Variants in UFSP2 observed in about 807,000 individuals in gnomAD.
UFSP2 encodes the protein ufm1-specific protease 2.
Under a neutral mutation model 60.2 loss-of-function variants are expected in UFSP2, and 43 were observed. That is an observed-to-expected ratio of 0.71 (90% CI 0.56 to 0.92). UFSP2 has a LOEUF of 0.92. Ranked by LOEUF, UFSP2 falls within the 40% of genes least tolerant of loss-of-function variation. The pLI is 0.00. For missense variants in UFSP2, 520 were observed against 575.0 expected, an observed-to-expected ratio of 0.90 and a Z score of 0.98; for synonymous variants, 183 against 195.1, an observed-to-expected ratio of 0.94 and a Z score of 0.52.
At chr4:185,403,756 C>T (rs1234253948) in intron 10 of UFSP2, 138 bp from the exon 11 acceptor site, 11 of 1,058,002 alleles carry the variant, frequency 1.0e-5, no homozygotes, top group South Asian at 3.4e-5. Context: ...GGGTGGATCA[C>T]GAGGTCAGGA....
rs558733438 is a variant in UFSP2, at chr4:185,414,092, G to A, written c.685-220C>T. ...GTCTGTATCTGGGTAGAAACTGGAA[G>A]GGAACAGAGAAAAATGAATATAAAT... On this transcript the variant is annotated intron_variant, in intron 6 of 11. Coordinates refer to ENST00000264689, the MANE Select transcript of UFSP2 (RefSeq NM_018359.5). 2.0e-4 allele frequency among the ~76,000 whole-genome samples: 31 copies of A among 152,184 alleles called. 1 individual carries two copies. The South Asian group carries it at 6.4e-3, about 32-fold the overall frequency.
rs891713752 is a variant in UFSP2 at position 185,399,894 on chromosome 4, C to T, written c.*498G>A. The T allele has an allele frequency of 3.3e-6, 5 of 1,537,432 alleles. No homozygotes were observed. The African/African-American group carries it at 6.9e-5, about 21-fold the overall frequency. On this transcript the variant is annotated 3_prime_UTR_variant, in exon 12 of 12. Coordinates refer to ENST00000264689, the MANE Select transcript of UFSP2 (RefSeq NM_018359.5). The stretch of plus-strand genomic sequence containing the variant: ...AGTAGTATTGTTTCATTCTCATTAA[C>T]ATTTTAGTACTGGTTATACTTACCA...
Position 185,425,941 on chromosome 4 carries a change from C to CGG in UFSP2, c.-74_-73insCC. The CGG allele has an allele frequency of 1.3e-6, 2 of 1,538,710 alleles. No homozygotes were observed. Among genetic ancestry groups the CGG allele is most frequent in the Non-Finnish European group, 1.8e-6 (2 of 1,134,124 alleles). On this transcript the variant is annotated 5_prime_UTR_variant, in exon 1 of 12. Coordinates refer to ENST00000264689, the MANE Select transcript of UFSP2 (RefSeq NM_018359.5). ...CCGGGGGCCGGCCCTGAAGTGGTGTCACCGCACGGCCCAGGGGCGGGGCCC... is the reference window on the plus strand; with the variant it reads ...CCGGGGGCCGGCCCTGAAGTGGTGTCGGACCGCACGGCCCAGGGGCGGGGCCC...
Position 185,399,560 on chromosome 4 carries a change from C to T in UFSP2, c.*832G>A. On this transcript the variant is annotated 3_prime_UTR_variant, in exon 12 of 12. Coordinates refer to ENST00000264689, the MANE Select transcript of UFSP2 (RefSeq NM_018359.5). ...TGTTTCATTTCACTCCGTTTTTATC[C>T]TGTTTTCAGTTTATGTAATAAGAAC... The T allele has an allele frequency of 6.2e-7, 1 of 1,613,670 alleles. No homozygotes were observed. The highest frequency in any genetic ancestry group is 8.5e-7 in the Non-Finnish European group (1 of 1,179,740).
At chr4:185,412,801 G>A (rs2095531700) in intron 7 of UFSP2, among the ~76,000 whole-genome samples, 1 of 152,092 alleles carries the variant, frequency 6.6e-6, no homozygotes, top group Non-Finnish European at 1.5e-5. Context: ...GCTAGTCACA[G>A]GGCTGCTGTT....
chr4:185,423,652 G>A (rs2095553477), intron 1 of UFSP2, among the ~76,000 whole-genome samples: 1 of 152,146 alleles, frequency 6.6e-6, no homozygotes, highest in African/African-American at 2.4e-5. Context: ...AACTTATAAA[G>A]GGAAAAGAGC....
At chr4:185,410,853 G>C (rs192391919) in intron 7 of UFSP2, among the ~76,000 whole-genome samples, 113 of 150,684 alleles carry the variant, frequency 7.5e-4, no homozygotes, top group African/African-American at 2.5e-3. Context: ...GGCTGAGGGA[G>C]GATAATCGCT....
At position 185,399,697 on chromosome 4, in the gene UFSP2, A is replaced by G. The variant is rs368158912; in HGVS notation, c.*695T>C. 9 of 1,614,022 alleles carry G rather than the reference A, an allele frequency of 5.6e-6. No individual in the cohort carries two copies. The African/African-American group carries it at 9.3e-5, about 17-fold the overall frequency. On this transcript the variant is annotated 3_prime_UTR_variant, in exon 12 of 12. Coordinates refer to ENST00000264689, the MANE Select transcript of UFSP2 (RefSeq NM_018359.5). ...AAAAGCAAGTGAACACCCTGACAGG[A>G]ATGATTGTGTTGCCGTGCTCAGACA...
At chr4:185,413,108 C>T (rs2095532372) in intron 7 of UFSP2, among the ~76,000 whole-genome samples, 1 of 152,146 alleles carries the variant, frequency 6.6e-6, no homozygotes, top group South Asian at 2.1e-4. Flanking sequence ...AGTTCACGAC[C>T]AGCCTGGCCA....
chr4:185,417,529 C>G (rs1026639769), intron 4 of UFSP2, among the ~76,000 whole-genome samples: 8 of 152,180 alleles, frequency 5.3e-5, no homozygotes, highest in Admixed American at 6.5e-5. Flanking sequence ...TCCCTCTTCT[C>G]TATTTCCATA....
At chr4:185,407,857 C>G in intron 9 of UFSP2, 79 bp downstream of exon 9, 1 of 1,430,566 alleles carries the variant, frequency 7.0e-7, no homozygotes, top group Non-Finnish European at 9.4e-7. Flanking sequence ...AGGGAAGATA[C>G]CATTTTTTCT....
rs746253806 is a variant in UFSP2, at chr4:185,413,779, A to T, written c.778T>A (p.Tyr260Asn). 1.2e-6 allele frequency: 2 copies of T among 1,613,592 alleles called. No individual in the cohort carries two copies. The highest frequency in any genetic ancestry group is 1.7e-6 in the Non-Finnish European group (2 of 1,179,708). Residue 260 changes from tyrosine to asparagine, a missense_variant, in exon 7 of 12, where the codon TAC becomes AAC. Physicochemically the swap from Tyr to Asn is moderately radical, Grantham distance 143. Coordinates refer to ENST00000264689, the MANE Select transcript of UFSP2 (RefSeq NM_018359.5). ...AGGTAAGTATGTGGATTTCTAATGT[A>T]ACCATCTTTGTATGGCTCATCTGGA... ...HFPDEPYKDG[Y>N]IRNPHTYLNP...
In UFSP2 at chr4:185,399,973, T is replaced by C; in HGVS notation, c.*419A>G. 6.3e-7 allele frequency: 1 copy of C among 1,593,438 alleles called. No homozygotes were observed. Among genetic ancestry groups the C allele is most frequent in the South Asian group, 1.2e-5 (1 of 86,916 alleles). Reference sequence around the variant, plus strand: ...TGGTGGAAGTTTGGGGATAAAACTCTTTTTAAAAAAAAGTTTTTAATGTTA... The same window carrying C: ...TGGTGGAAGTTTGGGGATAAAACTCCTTTTAAAAAAAAGTTTTTAATGTTA... On this transcript the variant is annotated 3_prime_UTR_variant, in exon 12 of 12. Transcript: ENST00000264689.
Position 185,413,907 on chromosome 4 carries a change from A to G in UFSP2, c.685-35T>C, listed in dbSNP as rs1483302368. On this transcript the variant is annotated intron_variant, in intron 6 of 11. Coordinates refer to ENST00000264689, the MANE Select transcript of UFSP2 (RefSeq NM_018359.5). ...ATCAGAATCAACAGAAAAAGAAAAA[A>G]TGTTGGTGATTTAGATTCCTAGTCA... 5.2e-6 allele frequency: 8 copies of G among 1,551,678 alleles called. No individual in the cohort carries two copies. The Admixed American group carries it at 1.2e-4, about 24-fold the overall frequency.
At chr4:185,417,637 G>A (rs1038048404) in intron 4 of UFSP2, among the ~76,000 whole-genome samples, 4 of 152,168 alleles carry the variant, frequency 2.6e-5, no homozygotes, top group African/African-American at 7.2e-5. Flanking sequence ...AAACACTGTC[G>A]TCACATTAAC....
chr4:185,415,936 G>C, intron 4 of UFSP2, 69 bp from the exon 5 acceptor site: 1 of 1,306,552 alleles, frequency 7.7e-7, no homozygotes. Flanking sequence ...TAAGTAAAAA[G>C]ACTTTTCAAA....
Position 185,399,735 on chromosome 4 carries a change from CG to C in UFSP2, c.*656del. 2 of 1,614,030 alleles carry C rather than the reference CG, an allele frequency of 1.2e-6. No homozygotes were observed. Among genetic ancestry groups the C allele is most frequent in the Non-Finnish European group, 1.7e-6 (2 of 1,180,000 alleles). On this transcript the variant is annotated 3_prime_UTR_variant, in exon 12 of 12. Coordinates refer to ENST00000264689, the MANE Select transcript of UFSP2 (RefSeq NM_018359.5). ...CCGTGCTCAGACAGAAACGGAGTCT[CG>C]GAAGTGTAGAAAATACCAGTGGGAA...
Position 185,413,890 on chromosome 4 carries a change from C to A in UFSP2, c.685-18G>T, listed in dbSNP as rs1206235545. ...TGTAACTCCTAAAATAAATCAGAAT[C>A]AACAGAAAAAGAAAAAATGTTGGTG... On this transcript the variant is annotated intron_variant, in intron 6 of 11. Transcript: ENST00000264689. The A allele has an allele frequency of 6.4e-7, 1 of 1,565,450 alleles. No individual in the cohort carries two copies. The highest frequency in any genetic ancestry group is 2.0e-5 in the Admixed American group (1 of 48,954).
chr4:185,400,271 T>G lies in UFSP2; in HGVS notation c.*121A>C. On this transcript the variant is annotated 3_prime_UTR_variant, in exon 12 of 12. Coordinates refer to ENST00000264689, the MANE Select transcript of UFSP2 (RefSeq NM_018359.5). ...TTCTCCGTGCAGTATTTACAACCTTTGAAAAAGGTCATAATTTAAATCGTC... is the reference window on the plus strand; with the variant it reads ...TTCTCCGTGCAGTATTTACAACCTTGGAAAAAGGTCATAATTTAAATCGTC... 1 of 874,332 alleles carries G rather than the reference T, an allele frequency of 1.1e-6. No individual in the cohort carries two copies. Among genetic ancestry groups the G allele is most frequent in the African/African-American group, 1.7e-5 (1 of 59,178 alleles). The allele number at this position is 874,332 out of a possible 1,614,324, so 54.2% of individuals were successfully genotyped here. A position where few individuals can be genotyped will look rare whatever the true frequency, so the allele number is the denominator to read the frequency against.
Sources: allele counts gnomAD v4.1 joint callset (sites outside exome capture counted in the v4.1 genomes callset), GRCh38; gene constraint gnomAD v4.1.1; transcripts MANE v1.5; gene names NCBI Gene and HGNC (gene_info 2026-07-23, HGNC 2026-07-21).